NAB1: variants seen among roughly 807,000 people sequenced by gnomAD.
NAB1 encodes the protein NGFI-A-binding protein 1.
Under a neutral mutation model 49.9 loss-of-function variants are expected in NAB1, and 25 were observed. The observed-to-expected ratio is 0.50, with a 90% CI of 0.37 to 0.70. NAB1 has a LOEUF of 0.70. Among genes scored for constraint, NAB1 ranks in the 30% least tolerant of loss-of-function variants. The pLI, the probability that NAB1 is intolerant of heterozygous loss-of-function variation, is 0.00. For missense variants in NAB1, 489 were observed against 575.9 expected (o/e 0.85, Z 1.54); for synonymous variants, 198 against 215.6 (o/e 0.92, Z 0.71).
intron 4 of NAB1, among the ~76,000 whole-genome samples, chr2:190,665,842 C>T (rs1399498656): frequency 2.0e-5 from 3 of 152,074 alleles, no homozygotes; most frequent in African/African-American, 4.8e-5. Flanking sequence ...GGGGTACAGA[C>T]GTATTTCTAA....
chr2:190,685,686 C>G lies in NAB1; in HGVS notation c.1258+48C>G. 1 of 1,347,442 alleles carries G rather than the reference C, an allele frequency of 7.4e-7. No individual in the cohort carries two copies. The highest frequency in any genetic ancestry group is 9.7e-7 in the Non-Finnish European group (1 of 1,027,516). The allele number at this position is 1,347,442 out of a possible 1,614,324, so 83.5% of individuals were successfully genotyped here. On this transcript the variant is annotated intron_variant, in intron 8 of 9. Transcript: ENST00000337386. The surrounding 1 kb of genome is among the most constrained non-coding windows in gnomAD (Gnocchi z 4.5). ...GCCTTTAGGGCCACTATGTGCACTTCAAAGAGAAACAGAAGACAGTGGCTG... is the reference window on the plus strand; with the variant it reads ...GCCTTTAGGGCCACTATGTGCACTTGAAAGAGAAACAGAAGACAGTGGCTG...
At position 190,684,959 on chromosome 2, in the gene NAB1, A is replaced by G. The variant is rs897189428; in HGVS notation, c.1096-517A>G. The stretch of plus-strand genomic sequence containing the variant: ...CTTATTGGCACTGATGTTTTTCTGC[A>G]TAATTTACATTGTTTAATTTTAGTG... On this transcript the variant is annotated intron_variant, in intron 7 of 9. Coordinates refer to ENST00000337386, the MANE Select transcript of NAB1 (RefSeq NM_005966.4). This position sits in a 1 kb window ranked among gnomAD's most constrained non-coding sequence, Gnocchi z 4.6. Among the ~76,000 whole-genome samples, 2 of 152,226 alleles carry G rather than the reference A, an allele frequency of 1.3e-5. No homozygotes were observed. The highest frequency in any genetic ancestry group is 2.4e-5 in the African/African-American group (1 of 41,458).
intron 4 of NAB1, among the ~76,000 whole-genome samples, chr2:190,664,999 G>A (rs528918697): frequency 2.0e-5 from 3 of 151,826 alleles, no homozygotes; most frequent in East Asian, 1.9e-4. Context: ...TCCTTCTATC[G>A]AAAGCTCTTT....
chr2:190,659,600 G>C lies in NAB1; in HGVS notation c.424G>C (p.Gly142Arg), dbSNP rs114269469. The C allele has an allele frequency of 8.3e-4, 1,340 of 1,614,246 alleles. 12 individuals carry two copies. In the African/African-American group the frequency reaches 0.015, roughly 19 times the overall value. The change falls in exon 4 of 10, where the codon GGG becomes CGG. Residue 142 changes from glycine to arginine, a missense_variant. Around this residue, in one of 4 missense-constraint regions of NAB1, gnomAD observed 204 missense variants for 220.9 expected, o/e 0.92. Transcript: ENST00000337386. The surrounding 1 kb of genome is among the most constrained non-coding windows in gnomAD (Gnocchi z 6.2). ...CACCTGTGTGCAGAGCTTGGGACAG[G>C]GGAAGTCAGATGTGGTTGGGAGCCT... ...ATTCVQSLGQ[G>R]KSDVVGSLAL...
chr2:190,681,248 A>C (rs977425738), intron 6 of NAB1, among the ~76,000 whole-genome samples: 1 of 152,244 alleles, frequency 6.6e-6, no homozygotes. Context: ...AAATGAAATA[A>C]TGAACATAAA....
Position 190,677,644 on chromosome 2 carries a change from A to G in NAB1, c.1005+4492A>G, listed in dbSNP as rs955962535. 2.6e-5 allele frequency: 4 copies of G among 152,236 alleles called. No homozygotes were observed. The highest frequency in any genetic ancestry group is 4.8e-5 in the African/African-American group (2 of 41,464). The allele number at this position is 152,236 out of a possible 1,614,324, so 9.4% of individuals were successfully genotyped here. A position where few individuals can be genotyped will look rare whatever the true frequency, so the allele number is the denominator to read the frequency against. On this transcript the variant is annotated intron_variant, in intron 6 of 9. Transcript: ENST00000337386. This position sits in a 1 kb window ranked among gnomAD's most constrained non-coding sequence, Gnocchi z 5.6. ...TTGCTTTTATTTTGTGTCAGTCCCT[A>G]CTAGACATTTGGAATTCATTATCAC...
intron 4 of NAB1, among the ~76,000 whole-genome samples, 180 bp downstream of exon 4, chr2:190,660,175 G>A (rs1694148986): frequency 6.6e-6 from 1 of 152,098 alleles, no homozygotes; most frequent in African/African-American, 2.4e-5. Context: ...TTGTGTTCAG[G>A]GTATATTTGT....
intron 6 of NAB1, chr2:190,673,356 T>C (rs1447097880): frequency 1.8e-6 from 1 of 561,270 alleles, no homozygotes; most frequent in Non-Finnish European, 3.1e-6. Context: ...CAAGGAAAAT[T>C]TTTTTAAACT....
intron 9 of NAB1, 44 bp from the exon 10 acceptor site, chr2:190,690,201 C>A: frequency 7.7e-7 from 1 of 1,304,604 alleles, no homozygotes; most frequent in Non-Finnish European, 1.1e-6. Flanking sequence ...TTTTGTAGTC[C>A]ATTGATTAAA....
chr2:190,681,850 TTTG>T (rs1695364505), intron 6 of NAB1, among the ~76,000 whole-genome samples: 1 of 152,152 alleles, frequency 6.6e-6, no homozygotes, highest in African/African-American at 2.4e-5. Flanking sequence ...GGTAAAATAT[TTTG>T]TTATTATTAC....
chr2:190,682,111 A>T lies in NAB1; in HGVS notation c.1006-1627A>T, dbSNP rs527390952. On this transcript the variant is annotated intron_variant, in intron 6 of 9. Transcript: ENST00000337386. This position sits in a 1 kb window ranked among gnomAD's most constrained non-coding sequence, Gnocchi z 4.1. ...GTCAAAAAAAGAAAACCTTGAAAAAAGTAGGTGGAATACCAAGTATAAAAT... is the reference window on the plus strand; with the variant it reads ...GTCAAAAAAAGAAAACCTTGAAAAATGTAGGTGGAATACCAAGTATAAAAT... Among the ~76,000 whole-genome samples, 114 of 152,370 alleles carry T rather than the reference A, an allele frequency of 7.5e-4. No individual in the cohort carries two copies. The highest frequency in any genetic ancestry group is 2.3e-3 in the South Asian group (11 of 4,830).
At position 190,690,989 on chromosome 2, in the gene NAB1, C is replaced by T. The variant is rs561942247; in HGVS notation, c.*656C>T. The T allele has an allele frequency of 1.3e-5, 2 of 152,636 alleles. No individual in the cohort carries two copies. Among genetic ancestry groups the T allele is most frequent in the Admixed American group, 1.3e-4 (2 of 15,292 alleles). 9.5% of individuals were successfully genotyped at this position (152,636 alleles called of 1,614,324 possible). ...TCAATGCACGTTTACACAATAAATACTTGAGTGGAGGAAAGTTAAAAAGAT... is the reference window on the plus strand; with the variant it reads ...TCAATGCACGTTTACACAATAAATATTTGAGTGGAGGAAAGTTAAAAAGAT... On this transcript the variant is annotated 3_prime_UTR_variant, in exon 10 of 10. Coordinates refer to ENST00000337386, the MANE Select transcript of NAB1 (RefSeq NM_005966.4).
chr2:190,651,849 A>T lies in NAB1; in HGVS notation c.-197+1867A>T, dbSNP rs1693683346. Among the ~76,000 whole-genome samples, 1 of 152,236 alleles carries T rather than the reference A, an allele frequency of 6.6e-6. No individual in the cohort carries two copies. The highest frequency in any genetic ancestry group is 1.5e-5 in the Non-Finnish European group (1 of 68,036). ...ACAGTTTAAGATCATGCTAATGTAT[A>T]ATCAACCCGTCTATGCATATTTCAT... is the stretch of plus-strand genomic sequence containing the variant. On this transcript the variant is annotated intron_variant, in intron 2 of 9. Transcript: ENST00000337386. This position sits in a 1 kb window ranked among gnomAD's most constrained non-coding sequence, Gnocchi z 4.3.
rs962070440 is a variant in NAB1 at position 190,663,504 on chromosome 2, T to C, written c.819+3509T>C. Among the ~76,000 whole-genome samples, 1 of 152,158 alleles carries C rather than the reference T, an allele frequency of 6.6e-6. No individual in the cohort carries two copies. Among genetic ancestry groups the C allele is most frequent in the East Asian group, 1.9e-4 (1 of 5,196 alleles). On this transcript the variant is annotated intron_variant, in intron 4 of 9. Transcript: ENST00000337386. This position sits in a 1 kb window ranked among gnomAD's most constrained non-coding sequence, Gnocchi z 4.2. ...TGTGGCTGATTTTGAGCTACAATGG[T>C]GAGTTAAGTAGTTGTGACACAGGCT...
rs895331900 is a variant in NAB1 at position 190,669,212 on chromosome 2, A to G, written c.820-1114A>G. On this transcript the variant is annotated intron_variant, in intron 4 of 9. Coordinates refer to ENST00000337386, the MANE Select transcript of NAB1 (RefSeq NM_005966.4). The surrounding 1 kb of genome is among the most constrained non-coding windows in gnomAD (Gnocchi z 4.3). Reference sequence around the variant, plus strand: ...TAAAACTTATGAATTGTTTATTTGTATAATTTTTCATTTAATATTTTTGGG... The same window carrying G: ...TAAAACTTATGAATTGTTTATTTGTGTAATTTTTCATTTAATATTTTTGGG... Among the ~76,000 whole-genome samples the G allele has an allele frequency of 6.6e-6, 1 of 152,252 alleles. No individual in the cohort carries two copies. Among genetic ancestry groups the G allele is most frequent in the African/African-American group, 2.4e-5 (1 of 41,456 alleles).
rs1435254858 is a variant in NAB1 at position 190,678,940 on chromosome 2, G to GT, written c.1006-4797dup. Among the ~76,000 whole-genome samples, 2 of 152,226 alleles carry GT rather than the reference G, an allele frequency of 1.3e-5. No individual in the cohort carries two copies. Among genetic ancestry groups the GT allele is most frequent in the Non-Finnish European group, 2.9e-5 (2 of 68,034 alleles). The stretch of plus-strand genomic sequence containing the variant: ...GCAGTGGCTTTAAAGCAGCTTGCTA[G>GT]TGTTCGGCAGAAAGGATGAGGAGGC... On this transcript the variant is annotated intron_variant, in intron 6 of 9. Transcript: ENST00000337386. This position sits in a 1 kb window ranked among gnomAD's most constrained non-coding sequence, Gnocchi z 4.9.
At chr2:190,655,075 G>T (rs1693849634) in intron 2 of NAB1, among the ~76,000 whole-genome samples, 1 of 152,164 alleles carries the variant, frequency 6.6e-6, no homozygotes, top group African/African-American at 2.4e-5. Context: ...GAACTTTTCA[G>T]GTGTGAGGAT....
In NAB1 at chr2:190,654,410, G is replaced by A. The variant is rs1461402132; in HGVS notation, c.-196-1567G>A. 6.6e-6 allele frequency among the ~76,000 whole-genome samples: 1 copy of A among 152,218 alleles called. No homozygotes were observed. Among genetic ancestry groups the A allele is most frequent in the Non-Finnish European group, 1.5e-5 (1 of 68,038 alleles). ...AATGTAAGAGAGACAAAGTGTTGCG[G>A]GGTTCAGAGAAGGGAGATGACAGCT... On this transcript the variant is annotated intron_variant, in intron 2 of 9. Coordinates refer to ENST00000337386, the MANE Select transcript of NAB1 (RefSeq NM_005966.4). The surrounding 1 kb of genome is among the most constrained non-coding windows in gnomAD (Gnocchi z 5.6).
chr2:190,653,146 G>A (rs1166320621), intron 2 of NAB1, among the ~76,000 whole-genome samples: 4 of 152,056 alleles, frequency 2.6e-5, no homozygotes, highest in African/African-American at 4.8e-5. Context: ...TCAGCCTCTC[G>A]TGTACCCATT....
Sources: gnomAD v4.1 joint callset for allele counts (sites outside exome capture counted in the v4.1 genomes callset) on GRCh38, gnomAD v4.1.1 for gene constraint, gnomAD v4.1.1 regional missense constraint, Gnocchi (gnomAD v3.1) non-coding constraint, MANE v1.5 for transcripts, NCBI Gene and HGNC (gene_info 2026-07-23, HGNC 2026-07-21) for gene names.